Variants in FAT3 observed in about 807,000 individuals in gnomAD.
FAT3 encodes the protein FAT atypical cadherin 3, also known as protocadherin Fat 3.
A neutral mutation model predicts 310.2 loss-of-function variants in FAT3; 95 were observed. That is an observed-to-expected ratio of 0.31 (90% CI 0.26 to 0.36). The LOEUF (loss-of-function observed/expected upper bound fraction) is 0.36. FAT3 is among the 10% of genes least tolerant of loss of function. The pLI, the probability that FAT3 is intolerant of heterozygous loss-of-function variation, is 1.00. For synonymous variants in FAT3, 2,314 were observed against 2,192.9 expected (o/e 1.06, Z -1.54); for missense variants, 5,408 against 5,715.6 (o/e 0.95, Z 1.74).
chr11:92,368,760 A>G (rs981130227), intron 2 of FAT3, among the ~76,000 whole-genome samples: 5 of 151,760 alleles, frequency 3.3e-5, no homozygotes, highest in African/African-American at 1.2e-4. Flanking sequence ...GTCTCAGTGC[A>G]ATGGATAGTG....
chr11:92,795,820 A>G (rs1035302235), intron 9 of FAT3, among the ~76,000 whole-genome samples: 1 of 152,154 alleles, frequency 6.6e-6, no homozygotes, highest in African/African-American at 2.4e-5. Flanking sequence ...AGGCAGGAGA[A>G]TCACCTGAAC....
At chr11:92,382,855 T>G (rs58088810) in intron 2 of FAT3, among the ~76,000 whole-genome samples, 11,840 of 152,288 alleles carry the variant, frequency 0.078, 671 homozygotes, top group African/African-American at 0.15. Context: ...TTTAAGTTCA[T>G]GGGTACATGT....
intron 13 of FAT3, among the ~76,000 whole-genome samples, chr11:92,828,703 G>A (rs980658347): frequency 6.6e-6 from 1 of 152,142 alleles, no homozygotes; most frequent in African/African-American, 2.4e-5. Flanking sequence ...AATCTGCCCG[G>A]AGGGGAGCCA....
chr11:92,325,549 ATT>A (rs1466252630), intron 1 of FAT3, among the ~76,000 whole-genome samples: 2 of 152,092 alleles, frequency 1.3e-5, no homozygotes, highest in Non-Finnish European at 2.9e-5. Flanking sequence ...TTTAGCCCTC[ATT>A]TGACGTGTGG....
rs1415756584 is a variant in FAT3 at position 92,315,502 on chromosome 11, T to TAGAG, written c.-17-36593_-17-36592insGAGA. Among the ~76,000 whole-genome samples the TAGAG allele has an allele frequency of 5.4e-5, 5 of 91,746 alleles. No homozygotes were observed. The East Asian group carries it at 9.0e-4, about 16-fold the overall frequency. The allele number at this position is 91,746 out of a possible 152,430, so 60.2% of individuals were successfully genotyped here. A position where few individuals can be genotyped will look rare whatever the true frequency, so the allele number is the denominator to read the frequency against. ...GTGTATATATATATATATATATATA[T>TAGAG]ATATATATATAGAGAGAGAGAGAGA... On this transcript the variant is annotated intron_variant, in intron 1 of 27. Coordinates refer to ENST00000525166, the MANE Select transcript of FAT3 (RefSeq NM_001367949.2).
At chr11:92,860,493 G>T (rs141053171) in intron 21 of FAT3, among the ~76,000 whole-genome samples, 187 of 152,328 alleles carry the variant, frequency 1.2e-3, no homozygotes, top group Admixed American at 4.7e-3. Flanking sequence ...GGAGGGAGAC[G>T]TGTTTCATCT....
In FAT3 at chr11:92,470,383, C is replaced by T. The variant is rs1951874396; in HGVS notation, c.3293-54251C>T. On this transcript the variant is annotated intron_variant, in intron 2 of 27. Transcript: ENST00000525166. ...ATAATGTATACTTTTTATTTTGTAACTCTTACATCCAGTTTCAGCTATATT... is the reference window on the plus strand; with the variant it reads ...ATAATGTATACTTTTTATTTTGTAATTCTTACATCCAGTTTCAGCTATATT... 2.0e-5 allele frequency among the ~76,000 whole-genome samples: 3 copies of T among 152,172 alleles called. No homozygotes were observed. In the South Asian group the frequency reaches 6.2e-4, roughly 31 times the overall value.
intron 4 of FAT3, among the ~76,000 whole-genome samples, chr11:92,702,231 A>G (rs1239147592): frequency 6.6e-6 from 1 of 152,174 alleles, no homozygotes; most frequent in African/African-American, 2.4e-5. Context: ...GGAATGTCTT[A>G]GTCATCTCTG....
Position 92,891,468 on chromosome 11 carries a change from T to C in FAT3, c.*355T>C. 1 of 257,642 alleles carries C rather than the reference T, an allele frequency of 3.9e-6. No individual in the cohort carries two copies. The highest frequency in any genetic ancestry group is 7.6e-6 in the Non-Finnish European group (1 of 131,124). 16.0% of individuals were successfully genotyped at this position (257,642 alleles called of 1,614,324 possible). On this transcript the variant is annotated 3_prime_UTR_variant, in exon 28 of 28. Coordinates refer to ENST00000525166, the MANE Select transcript of FAT3 (RefSeq NM_001367949.2). ...CTGGAAAGTGTTACAGCATCAGTCCTTGCAGTATTAAAAACTGGCAACAAT... is the reference window on the plus strand; with the variant it reads ...CTGGAAAGTGTTACAGCATCAGTCCCTGCAGTATTAAAAACTGGCAACAAT...
chr11:92,299,253 A>C (rs1946929276), intron 1 of FAT3, among the ~76,000 whole-genome samples: 1 of 152,092 alleles, frequency 6.6e-6, no homozygotes, highest in Non-Finnish European at 1.5e-5. Context: ...CACTTGTATT[A>C]GGCATCCTGG....
At chr11:92,704,301 T>C (rs1704761750) in intron 4 of FAT3, among the ~76,000 whole-genome samples, 1 of 152,192 alleles carries the variant, frequency 6.6e-6, no homozygotes, top group Non-Finnish European at 1.5e-5. Context: ...ACTCTGCTGC[T>C]GGGCTGTGCC....
intron 22 of FAT3, among the ~76,000 whole-genome samples, chr11:92,876,726 C>T (rs996853675): frequency 2.0e-5 from 3 of 152,210 alleles, no homozygotes; most frequent in African/African-American, 7.2e-5. Context: ...TCTCTGTGAA[C>T]CTATGAACAC....
intron 3 of FAT3, among the ~76,000 whole-genome samples, chr11:92,665,450 A>G (rs1942920479): frequency 6.6e-6 from 1 of 152,230 alleles, no homozygotes; most frequent in Non-Finnish European, 1.5e-5. Flanking sequence ...GAGAGAAGAA[A>G]CAAAATATTC....
intron 3 of FAT3, among the ~76,000 whole-genome samples, chr11:92,607,060 C>A (rs753330816): frequency 2.6e-5 from 4 of 152,196 alleles, no homozygotes; most frequent in Non-Finnish European, 5.9e-5. Context: ...CATCACAACT[C>A]GTGGATGTCC....
At chr11:92,367,126 C>T in intron 2 of FAT3, 1 of 417,260 alleles carries the variant, frequency 2.4e-6, no homozygotes, top group Non-Finnish European at 4.7e-6. Context: ...CAGTGCCTGC[C>T]TGTAGCACTT....
At chr11:92,640,057 T>C (rs1482719901) in intron 3 of FAT3, among the ~76,000 whole-genome samples, 1 of 152,218 alleles carries the variant, frequency 6.6e-6, no homozygotes, top group Non-Finnish European at 1.5e-5. Context: ...ACCTTTCAGT[T>C]CCTGGCAGTC....
intron 7 of FAT3, 61 bp from the exon 8 acceptor site, chr11:92,789,882 A>G: frequency 6.4e-7 from 1 of 1,560,972 alleles, no homozygotes; most frequent in East Asian, 2.3e-5. Context: ...GGGAGGGCAT[A>G]CTTTTATTAG....
chr11:92,314,248 T>C lies in FAT3; in HGVS notation c.-17-37848T>C, dbSNP rs1947379060. On this transcript the variant is annotated intron_variant, in intron 1 of 27. Transcript: ENST00000525166. Reference sequence around the variant, plus strand: ...TTTGGCTAATTAATAATTAAGGTCATTGGATCATTTGATTTTTAACAGATT... The same window carrying C: ...TTTGGCTAATTAATAATTAAGGTCACTGGATCATTTGATTTTTAACAGATT... The C allele has an allele frequency of 5.2e-6, 5 of 970,744 alleles. No homozygotes were observed. The South Asian group carries it at 1.4e-4, about 28-fold the overall frequency. The allele number at this position is 970,744 out of a possible 1,614,324, so 60.1% of individuals were successfully genotyped here.
At chr11:92,578,447 A>T (rs1362354627) in intron 3 of FAT3, among the ~76,000 whole-genome samples, 28 of 152,118 alleles carry the variant, frequency 1.8e-4, no homozygotes, top group Non-Finnish European at 1.9e-4. Context: ...AAACAAAAAC[A>T]TAGGGAACAT....
Sources: allele counts gnomAD v4.1 joint callset (sites outside exome capture counted in the v4.1 genomes callset), GRCh38; gene constraint gnomAD v4.1.1; transcripts MANE v1.5; gene names NCBI Gene and HGNC (gene_info 2026-07-23, HGNC 2026-07-21).